Variants in SETBP1 observed in about 807,000 individuals in gnomAD.
SETBP1 encodes SET-binding protein.
In SETBP1, 9 loss-of-function variants were observed where a neutral mutation model predicts 101.0. The observed-to-expected ratio is 0.09, with a 90% CI of 0.05 to 0.16. The LOEUF (loss-of-function observed/expected upper bound fraction) is 0.16, where lower values mean the gene tolerates loss of function less well. SETBP1 is among the 10% of genes least tolerant of loss of function. The pLI is 1.00. For synonymous variants in SETBP1, 818 were observed against 788.5 expected (o/e 1.04, Z -0.63); for missense variants, 1,858 against 2,033.8 (o/e 0.91, Z 1.66).
intron 2 of SETBP1, among the ~76,000 whole-genome samples, chr18:44,764,154 G>A (rs1248229440): frequency 6.6e-6 from 1 of 152,124 alleles, no homozygotes; most frequent in Admixed American, 6.5e-5. Flanking sequence ...AATGGCCTGC[G>A]GAGTCCTGCA....
At chr18:44,971,847 G>C (rs1273866040) in intron 4 of SETBP1, among the ~76,000 whole-genome samples, 2 of 152,112 alleles carry the variant, frequency 1.3e-5, no homozygotes, top group Non-Finnish European at 2.9e-5. Flanking sequence ...TCTGATGGTA[G>C]TTTCTTTTGC....
intron 4 of SETBP1, among the ~76,000 whole-genome samples, chr18:44,980,538 G>A (rs1415757185): frequency 6.6e-6 from 1 of 151,944 alleles, no homozygotes; most frequent in Non-Finnish European, 1.5e-5. Flanking sequence ...ATACAACCAA[G>A]TTCAGTTCTG....
At chr18:44,908,019 C>A (rs1464142065) in intron 3 of SETBP1, among the ~76,000 whole-genome samples, 1 of 151,958 alleles carries the variant, frequency 6.6e-6, no homozygotes. Flanking sequence ...TTGTAGAAAG[C>A]AGGGCTCCAG....
At chr18:44,702,710 T>C (rs2144205650) in intron 2 of SETBP1, among the ~76,000 whole-genome samples, 1 of 152,328 alleles carries the variant, frequency 6.6e-6, no homozygotes, top group African/African-American at 2.4e-5. Flanking sequence ...CTAAGATGAA[T>C]TACTCACCTG....
chr18:44,754,045 C>A lies in SETBP1; in HGVS notation c.486+52213C>A, dbSNP rs558889880. 1.1e-4 allele frequency among the ~76,000 whole-genome samples: 17 copies of A among 152,284 alleles called. No homozygotes were observed. In the South Asian group the frequency reaches 3.5e-3, roughly 32 times the overall value. ...CTCTCTCCTTGCATTCACCATAGATCGCCTCTGTTCAGTTTCTTAAAAACC... is the reference window on the plus strand; with the variant it reads ...CTCTCTCCTTGCATTCACCATAGATAGCCTCTGTTCAGTTTCTTAAAAACC... On this transcript the variant is annotated intron_variant, in intron 2 of 5. Coordinates refer to ENST00000649279, the MANE Select transcript of SETBP1 (RefSeq NM_015559.3).
chr18:44,885,814 C>T (rs2069628483), intron 3 of SETBP1, among the ~76,000 whole-genome samples: 1 of 132,874 alleles, frequency 7.5e-6, no homozygotes, highest in South Asian at 2.6e-4. Flanking sequence ...CAGGCTATGT[C>T]CTGAAGCTTC....
intron 2 of SETBP1, among the ~76,000 whole-genome samples, chr18:44,757,395 T>C (rs537911349): frequency 1.2e-3 from 178 of 152,332 alleles, no homozygotes; most frequent in African/African-American, 4.1e-3. Context: ...CTGTAGAGCC[T>C]GCCTCACTGC....
chr18:45,023,893 A>G (rs1482692449), intron 4 of SETBP1, among the ~76,000 whole-genome samples: 1 of 152,200 alleles, frequency 6.6e-6, no homozygotes, highest in East Asian at 1.9e-4. Context: ...AAAAATAAGG[A>G]AACTGAAGCT....
chr18:45,017,852 C>T (rs993106440), intron 4 of SETBP1, among the ~76,000 whole-genome samples: 3 of 152,228 alleles, frequency 2.0e-5, no homozygotes, highest in Non-Finnish European at 2.9e-5. Flanking sequence ...GGGGCCTTCA[C>T]AGTCATTAGG....
At chr18:44,761,555 T>G (rs535692523) in intron 2 of SETBP1, among the ~76,000 whole-genome samples, 39 of 152,344 alleles carry the variant, frequency 2.6e-4, no homozygotes, top group African/African-American at 9.1e-4. Flanking sequence ...CTAACATTCT[T>G]TACAGCACCC....
intron 2 of SETBP1, among the ~76,000 whole-genome samples, chr18:44,703,777 C>T (rs2069163134): frequency 6.6e-6 from 1 of 152,126 alleles, no homozygotes; most frequent in Non-Finnish European, 1.5e-5. Context: ...GTCGTGAAAC[C>T]AAAGGTTTAA....
chr18:44,696,115 G>C (rs1194171414), intron 1 of SETBP1, among the ~76,000 whole-genome samples: 1 of 152,194 alleles, frequency 6.6e-6, no homozygotes, highest in East Asian at 1.9e-4. Flanking sequence ...GAGTTGCTTT[G>C]TTCACTTGTT....
intron 2 of SETBP1, among the ~76,000 whole-genome samples, chr18:44,716,013 C>G (rs2069454211): frequency 6.6e-6 from 1 of 152,178 alleles, no homozygotes; most frequent in Non-Finnish European, 1.5e-5. Flanking sequence ...CCCCTACCCC[C>G]ACCTTCCCTC....
chr18:44,857,005 G>T (rs1204274815), intron 2 of SETBP1, among the ~76,000 whole-genome samples: 2 of 152,128 alleles, frequency 1.3e-5, no homozygotes, highest in African/African-American at 4.8e-5. Flanking sequence ...TTTATCAAAA[G>T]AGCTGAGTTC....
intron 2 of SETBP1, among the ~76,000 whole-genome samples, chr18:44,773,820 C>CTG (rs1163440630): frequency 1.8e-5 from 2 of 113,060 alleles, no homozygotes; most frequent in African/African-American, 3.2e-5. Context: ...CTCTCTCTCT[C>CTG]TCTGTCTCTC....
At chr18:44,705,687 T>C (rs1379333714) in intron 2 of SETBP1, among the ~76,000 whole-genome samples, 1 of 152,194 alleles carries the variant, frequency 6.6e-6, no homozygotes. Context: ...TAGCATGACT[T>C]ACATATCATA....
chr18:44,849,633 A>T (rs930683271), intron 2 of SETBP1, among the ~76,000 whole-genome samples: 1 of 151,362 alleles, frequency 6.6e-6, no homozygotes, highest in Non-Finnish European at 1.5e-5. Flanking sequence ...GCCACAAGTG[A>T]TGAAGGCCAT....
chr18:44,831,678 A>G (rs1218819200), intron 2 of SETBP1, among the ~76,000 whole-genome samples: 1 of 152,238 alleles, frequency 6.6e-6, no homozygotes, highest in Non-Finnish European at 1.5e-5. Flanking sequence ...GTAAGGTAAT[A>G]TAAGGTGAAC....
At chr18:44,755,247 T>C (rs182820012) in intron 2 of SETBP1, among the ~76,000 whole-genome samples, 110 of 152,318 alleles carry the variant, frequency 7.2e-4, no homozygotes, top group Non-Finnish European at 1.3e-3. Flanking sequence ...TGGTTAATAT[T>C]AGGTGTCAAC....
Sources: gnomAD v4.1 joint callset for allele counts (sites outside exome capture counted in the v4.1 genomes callset) on GRCh38, gnomAD v4.1.1 for gene constraint, MANE v1.5 for transcripts, NCBI Gene and HGNC (gene_info 2026-07-23, HGNC 2026-07-21) for gene names.